Variants in TTYH3 observed in about 807,000 individuals in gnomAD.
TTYH3 encodes the protein protein tweety homolog 3.
Under a neutral mutation model 68.2 loss-of-function variants are expected in TTYH3, and 23 were observed. The ratio of observed to expected loss-of-function variants is 0.34; its 90% CI spans 0.24 to 0.48. The LOEUF (loss-of-function observed/expected upper bound fraction) is 0.48, where lower values mean the gene tolerates loss of function less well. Ranked by LOEUF, TTYH3 falls within the 20% of genes least tolerant of loss-of-function variation. TTYH3 has a pLI of 0.99. For synonymous variants in TTYH3, 360 were observed against 332.8 expected (o/e 1.08, Z -0.89); for missense variants, 768 against 727.7 (o/e 1.06, Z -0.64).
At chr7:2,636,755 G>A (rs1016540943) in intron 1 of TTYH3, among the ~76,000 whole-genome samples, 1 of 152,020 alleles carries the variant, frequency 6.6e-6, no homozygotes, top group African/African-American at 2.4e-5. Flanking sequence ...GATTGGCTGA[G>A]CTTGCCTTTT....
intron 1 of TTYH3, among the ~76,000 whole-genome samples, chr7:2,640,213 A>G (rs1436649517): frequency 1.3e-5 from 2 of 152,156 alleles, no homozygotes; most frequent in African/African-American, 2.4e-5. Flanking sequence ...TGGAGGCTGC[A>G]TCGGGCCAAA....
At chr7:2,647,296 C>A in intron 3 of TTYH3, 43 bp downstream of exon 3, 1 of 1,538,380 alleles carries the variant, frequency 6.5e-7, no homozygotes. Context: ...TCTTGCTGCT[C>A]CGGAGCCCCA....
rs1482730902 is a variant in TTYH3 at position 2,632,375 on chromosome 7, C to T, written c.123+97C>T. On this transcript the variant is annotated intron_variant, in intron 1 of 13. Coordinates refer to ENST00000258796, the MANE Select transcript of TTYH3 (RefSeq NM_025250.3). ...GCCCCCATCCCCGAGGGCCTAAAGA[C>T]CCCTCATCCCCCCCTCCAGGGTCAC... The T allele has an allele frequency of 1.3e-5, 16 of 1,244,210 alleles. No homozygotes were observed. The East Asian group carries it at 3.9e-4, about 30-fold the overall frequency. 77.1% of individuals were successfully genotyped at this position (1,244,210 alleles called of 1,614,324 possible).
At chr7:2,646,714 C>T (rs1352855722) in intron 1 of TTYH3, 139 bp from the exon 2 acceptor site, 5 of 926,688 alleles carry the variant, frequency 5.4e-6, no homozygotes, top group Non-Finnish European at 6.4e-6. Context: ...GCCTCACCTA[C>T]AAGTCGGGGA....
rs1056105588 is a variant in TTYH3 at position 2,645,996 on chromosome 7, G to C, written c.124-857G>C. ...CCGGCAGCCCCCTCCCCAGGGCTTC[G>C]CTTCTTCGGGGGAGCAGCAGCACTT... is the stretch of plus-strand genomic sequence containing the variant. On this transcript the variant is annotated intron_variant, in intron 1 of 13. Coordinates refer to ENST00000258796, the MANE Select transcript of TTYH3 (RefSeq NM_025250.3). The surrounding 1 kb of genome is among the most constrained non-coding windows in gnomAD (Gnocchi z 4.8). 1 of 341,140 alleles carries C rather than the reference G, an allele frequency of 2.9e-6. No homozygotes were observed. Among genetic ancestry groups the C allele is most frequent in the East Asian group, 7.9e-5 (1 of 12,728 alleles). 21.1% of individuals were successfully genotyped at this position (341,140 alleles called of 1,614,324 possible).
Position 2,656,153 on chromosome 7 carries a change from C to T in TTYH3, c.1082C>T (p.Thr361Ile), listed in dbSNP as rs1166473920. ...ACGGAGGTGAACCTGCAGCACCTCA[C>T]CGCCCTGGTGGACTGCCGCAGCCTG... The part of the protein sequence containing the change: ...NGTEVNLQHL[T>I]ALVDCRSLHL... Residue 361 changes from threonine to isoleucine, a missense_variant, in exon 10 of 14, where the codon ACC (threonine) becomes ATC (isoleucine). Thr to Ile is a moderately conservative substitution (Grantham distance 89). Coordinates refer to ENST00000258796, the MANE Select transcript of TTYH3 (RefSeq NM_025250.3). 1.9e-6 allele frequency: 3 copies of T among 1,570,936 alleles called. No homozygotes were observed. The highest frequency in any genetic ancestry group is 8.6e-7 in the Non-Finnish European group (1 of 1,158,602).
Position 2,662,263 on chromosome 7 carries a change from G to A in TTYH3, c.*524G>A. The A allele has an allele frequency of 5.1e-6, 1 of 194,808 alleles. No homozygotes were observed. The highest frequency in any genetic ancestry group is 1.6e-4 in the East Asian group (1 of 6,256). The allele number at this position is 194,808 out of a possible 1,614,324, so 12.1% of individuals were successfully genotyped here. A position where few individuals can be genotyped will look rare whatever the true frequency, so the allele number is the denominator to read the frequency against. ...CCCTCCACGTGCCCATCTCTCTGCA[G>A]TGCCCTCCTCGCCTGTGCAGCCCGC... On this transcript the variant is annotated 3_prime_UTR_variant, in exon 14 of 14. Transcript: ENST00000258796.
In TTYH3 at chr7:2,663,826, G is replaced by A. The variant is rs140039773; in HGVS notation, c.*2087G>A. ...ACTCCTGACCGTGGTGTGCGTGTGT[G>A]CCCGTCTGTGACTTTCTACTCACCA... On this transcript the variant is annotated 3_prime_UTR_variant, in exon 14 of 14. Transcript: ENST00000258796. 2 of 152,762 alleles carry A rather than the reference G, an allele frequency of 1.3e-5. No homozygotes were observed. Among genetic ancestry groups the A allele is most frequent in the East Asian group, 1.9e-4 (1 of 5,330 alleles). 9.5% of individuals were successfully genotyped at this position (152,762 alleles called of 1,614,324 possible).
intron 11 of TTYH3, among the ~76,000 whole-genome samples, chr7:2,657,916 TGGATCCTGCAGAGC>T (rs899675391): frequency 3.9e-5 from 6 of 152,304 alleles, no homozygotes; most frequent in Non-Finnish European, 7.4e-5. Context: ...AGGGTGCAGT[TGGATCCTGCAGAGC>T]CAAGAGGCAC....
chr7:2,643,126 C>T (rs1446231566), intron 1 of TTYH3, among the ~76,000 whole-genome samples: 9 of 151,830 alleles, frequency 5.9e-5, no homozygotes, highest in East Asian at 1.9e-4. Context: ...GAGGCCGAGG[C>T]GGGCAGATCA....
At chr7:2,658,745 G>A (rs917974461) in intron 12 of TTYH3, among the ~76,000 whole-genome samples, 195 bp from the exon 13 acceptor site, 3 of 152,212 alleles carry the variant, frequency 2.0e-5, no homozygotes, top group African/African-American at 7.2e-5. Flanking sequence ...AGTGGACTCT[G>A]GCTGGGCCAA....
chr7:2,646,391 A>G (rs2114984510), intron 1 of TTYH3, among the ~76,000 whole-genome samples: 1 of 152,342 alleles, frequency 6.6e-6, no homozygotes, highest in African/African-American at 2.4e-5. Context: ...CTGTGGCTGC[A>G]AAGATGGTGG....
In TTYH3 at chr7:2,633,366, G is replaced by T. The variant is rs370047775; in HGVS notation, c.123+1088G>T. 4.3e-4 allele frequency among the ~76,000 whole-genome samples: 66 copies of T among 152,308 alleles called. No individual in the cohort carries two copies. The South Asian group carries it at 0.013, about 31-fold the overall frequency. On this transcript the variant is annotated intron_variant, in intron 1 of 13. Transcript: ENST00000258796. ...TGTCTGTGGCCTCCCGCATCCAGAGGAGGGAGGCGGAAGTGGAGGAGCAGG... is the reference window on the plus strand; with the variant it reads ...TGTCTGTGGCCTCCCGCATCCAGAGTAGGGAGGCGGAAGTGGAGGAGCAGG...
chr7:2,635,583 G>C (rs936257432), intron 1 of TTYH3, among the ~76,000 whole-genome samples: 1 of 152,196 alleles, frequency 6.6e-6, no homozygotes, highest in African/African-American at 2.4e-5. Context: ...GTCAGGGAAG[G>C]CTTCCTGCAG....
At chr7:2,637,486 A>G (rs1334034038) in intron 1 of TTYH3, among the ~76,000 whole-genome samples, 2 of 152,160 alleles carry the variant, frequency 1.3e-5, no homozygotes, top group Admixed American at 1.3e-4. Context: ...TTCCAGCTGC[A>G]GCCCAGCCAC....
At position 2,653,231 on chromosome 7, in the gene TTYH3, A is replaced by T. The variant is rs566570751; in HGVS notation, c.1020+221A>T. ...TTTTCCTCCCCTTCCTCCCTCCTTC[A>T]TTCCTTTCCCTTGGGAATTTTTGGT... On this transcript the variant is annotated intron_variant, in intron 9 of 13. Transcript: ENST00000258796. Among the ~76,000 whole-genome samples the T allele has an allele frequency of 2.0e-5, 3 of 151,966 alleles. No homozygotes were observed. In the South Asian group the frequency reaches 6.2e-4, roughly 32 times the overall value.
At chr7:2,655,074 C>T (rs574376797) in intron 9 of TTYH3, among the ~76,000 whole-genome samples, 6 of 152,258 alleles carry the variant, frequency 3.9e-5, no homozygotes, top group African/African-American at 1.2e-4. Context: ...GGGTTCAGAC[C>T]GCAACACAGG....
At chr7:2,639,942 C>G (rs1220805526) in intron 1 of TTYH3, among the ~76,000 whole-genome samples, 2 of 152,290 alleles carry the variant, frequency 1.3e-5, no homozygotes, top group East Asian at 3.9e-4. Context: ...CTGGGGCTCG[C>G]TGGTCTCTCC....
At chr7:2,638,785 G>A (rs984626119) in intron 1 of TTYH3, among the ~76,000 whole-genome samples, 2 of 152,154 alleles carry the variant, frequency 1.3e-5, no homozygotes, top group African/African-American at 4.8e-5. Context: ...TAGGGGCTGG[G>A]GCCACGTGTC....
Sources: allele counts gnomAD v4.1 joint callset (sites outside exome capture counted in the v4.1 genomes callset), GRCh38; gene constraint gnomAD v4.1.1; non-coding constraint Gnocchi (gnomAD v3.1); transcripts MANE v1.5; gene names NCBI Gene and HGNC (gene_info 2026-07-23, HGNC 2026-07-21).